CACNA2D3: variants seen among roughly 807,000 people sequenced by gnomAD.
The protein encoded by CACNA2D3 is voltage-dependent calcium channel subunit alpha-2/delta-3.
Under a neutral mutation model 160.6 loss-of-function variants are expected in CACNA2D3, and 60 were observed. The observed-to-expected ratio is 0.37, with a 90% CI of 0.30 to 0.46. The LOEUF (loss-of-function observed/expected upper bound fraction) is 0.46. Ranked by LOEUF, CACNA2D3 falls within the 20% of genes least tolerant of loss-of-function variation. CACNA2D3 has a pLI of 1.00. For synonymous variants in CACNA2D3, 558 were observed against 492.9 expected (o/e 1.13, Z -1.75); for missense variants, 1,205 against 1,365.0 (o/e 0.88, Z 1.85).
At chr3:54,149,260 C>A (rs974739545) in intron 2 of CACNA2D3, among the ~76,000 whole-genome samples, 5 of 134,964 alleles carry the variant, frequency 3.7e-5, no homozygotes, top group African/African-American at 1.4e-4. Context: ...AGCAAGGGGT[C>A]CCATGTGCAC....
intron 3 of CACNA2D3, among the ~76,000 whole-genome samples, chr3:54,377,730 CTACTG>C (rs1699034645): frequency 6.6e-6 from 1 of 152,208 alleles, no homozygotes; most frequent in Non-Finnish European, 1.5e-5. Context: ...TGTTCTGACT[CTACTG>C]TAACAAAATG....
At chr3:55,024,393 T>C (rs960049839) in intron 35 of CACNA2D3, among the ~76,000 whole-genome samples, 2 of 151,946 alleles carry the variant, frequency 1.3e-5, no homozygotes, top group Non-Finnish European at 2.9e-5. Context: ...AATGTTGGTG[T>C]CCCCCCAAAA....
chr3:54,338,190 G>A (rs191787743), intron 3 of CACNA2D3, among the ~76,000 whole-genome samples: 3 of 152,362 alleles, frequency 2.0e-5, no homozygotes, highest in Non-Finnish European at 2.9e-5. Flanking sequence ...GGCGCACAAA[G>A]GCGCTGCAGT....
chr3:54,300,404 T>G (rs577750276), intron 2 of CACNA2D3, among the ~76,000 whole-genome samples: 1 of 152,394 alleles, frequency 6.6e-6, no homozygotes, highest in Admixed American at 6.5e-5. Flanking sequence ...TTGGGTTGCA[T>G]TGTCTGACTC....
intron 4 of CACNA2D3, among the ~76,000 whole-genome samples, chr3:54,439,878 G>A (rs779789959): frequency 2.0e-5 from 3 of 152,178 alleles, no homozygotes; most frequent in Admixed American, 6.5e-5. Context: ...ACTGTCTGCA[G>A]TGCTTCTCCA....
intron 4 of CACNA2D3, among the ~76,000 whole-genome samples, chr3:54,402,012 G>T (rs541254845): frequency 6.6e-6 from 1 of 152,124 alleles, no homozygotes; most frequent in Admixed American, 6.5e-5. Flanking sequence ...GAGGGCAAAA[G>T]TCAAGAGTGT....
Position 54,871,612 on chromosome 3 carries a change from G to A in CACNA2D3, c.1700G>A (p.Arg567Gln), listed in dbSNP as rs776470130. 84 of 1,611,716 alleles carry A rather than the reference G, an allele frequency of 5.2e-5. No homozygotes were observed. The highest frequency in any genetic ancestry group is 6.3e-5 in the Non-Finnish European group (74 of 1,178,000). ...VDLSEVEWED[R>Q]DDVLRNAMVN... The stretch of plus-strand genomic sequence containing the variant: ...CTCTCTGAGGTGGAGTGGGAAGACC[G>A]AGATGACGTGGTAAGTGATTTGTTT... Residue 567 changes from arginine (R) to glutamine (Q), a missense_variant, in exon 18 of 38, where the codon CGA (arginine) becomes CAA (glutamine). Coordinates refer to ENST00000474759, the MANE Select transcript of CACNA2D3 (RefSeq NM_018398.3).
chr3:54,968,569 C>T (rs1702204709), intron 28 of CACNA2D3, 58 bp downstream of exon 28: 1 of 1,297,518 alleles, frequency 7.7e-7, no homozygotes, highest in East Asian at 2.4e-5. Context: ...CAGGTGTTCC[C>T]ATTTGGGTAC....
At chr3:54,914,871 A>G (rs1700628157) in intron 27 of CACNA2D3, among the ~76,000 whole-genome samples, 3 of 152,222 alleles carry the variant, frequency 2.0e-5, no homozygotes, top group Admixed American at 1.3e-4. Context: ...GGAAACAGTA[A>G]TTTCCTGACC....
intron 2 of CACNA2D3, among the ~76,000 whole-genome samples, chr3:54,145,836 C>T (rs576644013): frequency 6.6e-5 from 10 of 152,286 alleles, no homozygotes; most frequent in South Asian, 6.2e-4. Flanking sequence ...CTCTTCTCTC[C>T]GGGATGGCTG....
At chr3:54,478,940 A>G (rs1458956233) in intron 4 of CACNA2D3, among the ~76,000 whole-genome samples, 2 of 151,812 alleles carry the variant, frequency 1.3e-5, no homozygotes, top group Non-Finnish European at 2.9e-5. Flanking sequence ...TGATATGTAT[A>G]TATATAAAAA....
intron 4 of CACNA2D3, among the ~76,000 whole-genome samples, chr3:54,502,889 G>T (rs998941683): frequency 8.5e-5 from 13 of 152,130 alleles, no homozygotes; most frequent in African/African-American, 2.2e-4. Flanking sequence ...TGTAAATCAT[G>T]CCAGCACACT....
At chr3:54,244,394 C>G (rs1702031575) in intron 2 of CACNA2D3, among the ~76,000 whole-genome samples, 1 of 152,228 alleles carries the variant, frequency 6.6e-6, no homozygotes, top group Admixed American at 6.5e-5. Context: ...AAACTGTCAT[C>G]TATGAAACAC....
chr3:54,758,144 G>A (rs1056985942), intron 12 of CACNA2D3, among the ~76,000 whole-genome samples: 2 of 152,174 alleles, frequency 1.3e-5, no homozygotes, highest in Admixed American at 6.5e-5. Flanking sequence ...CAGAGTTGGG[G>A]ACATTAAGGC....
chr3:54,983,257 C>T (rs528182047), intron 29 of CACNA2D3, among the ~76,000 whole-genome samples: 1 of 152,278 alleles, frequency 6.6e-6, no homozygotes, highest in African/African-American at 2.4e-5. Flanking sequence ...CTGTGGAACC[C>T]TTGAAATGTG....
intron 11 of CACNA2D3, among the ~76,000 whole-genome samples, chr3:54,717,504 CTG>C (rs1384085797): frequency 1.3e-5 from 2 of 151,554 alleles, no homozygotes; most frequent in Non-Finnish European, 2.9e-5. Context: ...GTGTGTGTGT[CTG>C]TGTATGCGTG....
At chr3:54,563,074 G>T (rs1702352632) in intron 6 of CACNA2D3, 143 bp downstream of exon 6, 6 of 756,398 alleles carry the variant, frequency 7.9e-6, no homozygotes, top group Non-Finnish European at 1.2e-5. Context: ...TTGTCAGGGT[G>T]CAGGACAGGA....
chr3:54,629,782 CTCTCGTTTTA>C (rs1009865615), intron 10 of CACNA2D3, among the ~76,000 whole-genome samples: 6 of 152,206 alleles, frequency 3.9e-5, no homozygotes, highest in Non-Finnish European at 5.9e-5. Context: ...TGAAAATTCC[CTCTCGTTTTA>C]TCTCAAAAAC....
chr3:54,856,614 T>C (rs79573873), intron 17 of CACNA2D3, among the ~76,000 whole-genome samples: 3,194 of 152,312 alleles, frequency 0.021, 98 homozygotes, highest in African/African-American at 0.073. Flanking sequence ...ATAGAGAAGA[T>C]GTGGGTTTTT....
Sources: gnomAD v4.1 joint callset for allele counts (sites outside exome capture counted in the v4.1 genomes callset) on GRCh38, gnomAD v4.1.1 for gene constraint, MANE v1.5 for transcripts, NCBI Gene and HGNC (gene_info 2026-07-23, HGNC 2026-07-21) for gene names.